Variants in PCDHGA7 observed in about 807,000 individuals in gnomAD.
PCDHGA7 encodes protocadherin gamma-A7.
Under a neutral mutation model 58.3 loss-of-function variants are expected in PCDHGA7, and 44 were observed. That is an observed-to-expected ratio of 0.75 (90% CI 0.59 to 0.97). The LOEUF (loss-of-function observed/expected upper bound fraction) is 0.97. Among genes scored for constraint, PCDHGA7 ranks in the 50% least tolerant of loss-of-function variants. PCDHGA7 has a pLI of 0.00. For missense variants in PCDHGA7, 1,266 were observed against 1,188.7 expected, an observed-to-expected ratio of 1.06 and a Z score of -0.96; for synonymous variants, 516 against 504.2, an observed-to-expected ratio of 1.02 and a Z score of -0.31.
chr5:141,478,631 A>G (rs781339775), intron 1 of PCDHGA7: 1 of 1,553,196 alleles, frequency 6.4e-7, no homozygotes, highest in Non-Finnish European at 8.7e-7. Context: ...CTGTTTTTTT[A>G]GTGATGAAGA....
rs1243327893 is a variant in PCDHGA7, at chr5:141,491,671, C to G, written c.2425-3136C>G. 1 of 1,613,484 alleles carries G rather than the reference C, an allele frequency of 6.2e-7. No homozygotes were observed. Among genetic ancestry groups the G allele is most frequent in the Admixed American group, 1.7e-5 (1 of 60,034 alleles). On this transcript the variant is annotated intron_variant, in intron 1 of 3. Transcript: ENST00000518325. This position sits in a 1 kb window ranked among gnomAD's most constrained non-coding sequence, Gnocchi z 6.9. ...GCTGGAGCCTGACGCCATCCGGTCC[C>G]GCTCTAATACGCTGCGGGAGCGGAG...
At chr5:141,413,331 C>T (rs1300057166) in intron 1 of PCDHGA7, 1 of 1,613,992 alleles carries the variant, frequency 6.2e-7, no homozygotes, top group Admixed American at 1.7e-5. Context: ...TGGGCAACAT[C>T]TCCAAGGACT....
At chr5:141,450,796 G>GTATT (rs1490825772) in intron 1 of PCDHGA7, among the ~76,000 whole-genome samples, 8 of 145,976 alleles carry the variant, frequency 5.5e-5, no homozygotes, top group African/African-American at 1.8e-4. Flanking sequence ...CCTCATGATT[G>GTATT]TATTTATTTA....
chr5:141,408,846 TGGACGGA>T, intron 1 of PCDHGA7: 1 of 1,613,698 alleles, frequency 6.2e-7, no homozygotes, highest in Non-Finnish European at 8.5e-7. Flanking sequence ...TTGACTGCCT[TGGACGGA>T]GGGGACCCAC....
At position 141,477,677 on chromosome 5, in the gene PCDHGA7, TC is replaced by T; in HGVS notation, c.2425-17128del. On this transcript the variant is annotated intron_variant, in intron 1 of 3. Transcript: ENST00000518325. This position sits in a 1 kb window ranked among gnomAD's most constrained non-coding sequence, Gnocchi z 4.9. ...AAATCGTGACAATGGCATAGTGTCA[TC>T]CTTAGTGCCCCTAGACTATGAGGAT... 1 of 1,614,174 alleles carries T rather than the reference TC, an allele frequency of 6.2e-7. No homozygotes were observed. The highest frequency in any genetic ancestry group is 8.5e-7 in the Non-Finnish European group (1 of 1,180,038).
At chr5:141,441,279 C>T (rs3792898) in intron 1 of PCDHGA7, 17,193 of 152,116 alleles carry the variant, frequency 0.11, 1,155 homozygotes, top group African/African-American at 0.18. Context: ...CGGGAGAAAA[C>T]GAGGTCACAT....
At chr5:141,450,008 T>C (rs78952430) in intron 1 of PCDHGA7, among the ~76,000 whole-genome samples, 2 of 37,390 alleles carry the variant, frequency 5.3e-5, no homozygotes, top group African/African-American at 6.8e-4. Flanking sequence ...CCATGTCTCT[T>C]TTTTTTTTTT....
At chr5:141,398,075 A>T in intron 1 of PCDHGA7, 1 of 1,592,106 alleles carries the variant, frequency 6.3e-7, no homozygotes, top group Non-Finnish European at 8.6e-7. Flanking sequence ...TACAGAGGTT[A>T]TTTGTAACCT....
In PCDHGA7 at chr5:141,431,377, T is replaced by A; in HGVS notation, c.2424+46054T>A. 1 of 1,613,426 alleles carries A rather than the reference T, an allele frequency of 6.2e-7. No individual in the cohort carries two copies. Among genetic ancestry groups the A allele is most frequent in the Non-Finnish European group, 8.5e-7 (1 of 1,179,558 alleles). ...GCGCCCTGGACCGCGAAGAAAAGGC[T>A]GCTCACCACCTGGTCCTTACGGCCT... is the stretch of plus-strand genomic sequence containing the variant. On this transcript the variant is annotated intron_variant, in intron 1 of 3. Coordinates refer to ENST00000518325, the MANE Select transcript of PCDHGA7 (RefSeq NM_018920.4). This position sits in a 1 kb window ranked among gnomAD's most constrained non-coding sequence, Gnocchi z 4.8.
intron 1 of PCDHGA7, chr5:141,395,176 A>G (rs750497200): frequency 1.1e-5 from 18 of 1,614,206 alleles, no homozygotes; most frequent in East Asian, 8.9e-5. Flanking sequence ...TGTGAGAAAA[A>G]TGATTCTTTG....
chr5:141,478,911 T>TA, intron 1 of PCDHGA7: 1 of 871,162 alleles, frequency 1.1e-6, no homozygotes, highest in Non-Finnish European at 1.7e-6. Flanking sequence ...AGCTGCTGGA[T>TA]ACCTCTAACC....
chr5:141,476,417 C>A lies in PCDHGA7; in HGVS notation c.2425-18390C>A. ...GGATCGAGAGGAGCTGTGTGGGACA[C>A]TGCCCTCTTGCACTGTAACTCTGGA... is the stretch of plus-strand genomic sequence containing the variant. On this transcript the variant is annotated intron_variant, in intron 1 of 3. Coordinates refer to ENST00000518325, the MANE Select transcript of PCDHGA7 (RefSeq NM_018920.4). This position sits in a 1 kb window ranked among gnomAD's most constrained non-coding sequence, Gnocchi z 7.6. The A allele has an allele frequency of 6.2e-7, 1 of 1,614,112 alleles. No homozygotes were observed. The highest frequency in any genetic ancestry group is 8.5e-7 in the Non-Finnish European group (1 of 1,179,994).
At chr5:141,423,193 T>A in intron 1 of PCDHGA7, 2 of 1,613,564 alleles carry the variant, frequency 1.2e-6, no homozygotes, top group Non-Finnish European at 1.7e-6. Context: ...GCCCCCTCTC[T>A]CGGCCACCGT....
intron 1 of PCDHGA7, chr5:141,388,782 A>C (rs1589071559): frequency 6.2e-7 from 1 of 1,613,784 alleles, no homozygotes; most frequent in South Asian, 1.1e-5. Flanking sequence ...CGGGGAAATT[A>C]CTGTTTTAAA....
intron 1 of PCDHGA7, chr5:141,399,900 C>A (rs752796935): frequency 6.2e-7 from 1 of 1,612,532 alleles, no homozygotes; most frequent in African/African-American, 1.3e-5. Flanking sequence ...TGGCCGTGGA[C>A]GCAGACTCAG....
intron 1 of PCDHGA7, among the ~76,000 whole-genome samples, chr5:141,438,611 TATATATATATATATATATATATATAC>T (rs1451681129): frequency 0.1 from 4,016 of 39,372 alleles, 166 homozygotes; most frequent in Middle Eastern, 0.18. Context: ...TATATATATA[TATATATATATATATATATATATATAC>T]ACACACACAC....
At chr5:141,508,682 C>G (rs2099870913) in intron 3 of PCDHGA7, among the ~76,000 whole-genome samples, 1 of 152,080 alleles carries the variant, frequency 6.6e-6, no homozygotes, top group Non-Finnish European at 1.5e-5. Context: ...TCCCTTCTCC[C>G]TGCTTCTCCG....
At chr5:141,451,224 C>G (rs2098710956) in intron 1 of PCDHGA7, among the ~76,000 whole-genome samples, 1 of 152,170 alleles carries the variant, frequency 6.6e-6, no homozygotes, top group South Asian at 2.1e-4. Flanking sequence ...TTAAAAGAAG[C>G]ATTTATTATC....
intron 1 of PCDHGA7, chr5:141,441,669 T>C: frequency 3.5e-6 from 1 of 287,870 alleles, no homozygotes; most frequent in Non-Finnish European, 6.8e-6. Context: ...GAGCGCACAG[T>C]GCGCCTTCGA....
Sources: allele counts gnomAD v4.1 joint callset (sites outside exome capture counted in the v4.1 genomes callset), GRCh38; gene constraint gnomAD v4.1.1; non-coding constraint Gnocchi (gnomAD v3.1); transcripts MANE v1.5; gene names NCBI Gene and HGNC (gene_info 2026-07-23, HGNC 2026-07-21).